The following IL1RAPL1 variants were observed in gnomAD, a reference collection of about 807,000 sequenced individuals.
IL1RAPL1 encodes the protein interleukin-1 receptor accessory protein-like 1.
In IL1RAPL1, 3 loss-of-function variants were observed where a neutral mutation model predicts 48.4. The ratio of observed to expected loss-of-function variants is 0.06; its 90% CI spans 0.03 to 0.16. IL1RAPL1 has a LOEUF of 0.16. IL1RAPL1 is among the 10% of genes least tolerant of loss of function. IL1RAPL1 has a pLI of 1.00. For synonymous variants in IL1RAPL1, 185 were observed against 187.7 expected (o/e 0.99, Z 0.12); for missense variants, 349 against 530.6 (o/e 0.66, Z 3.36).
chrX:29,774,501 G>A (rs947409899), intron 6 of IL1RAPL1, among the ~76,000 whole-genome samples: 4 of 111,805 alleles, frequency 3.6e-5, no homozygotes, highest in Non-Finnish European at 7.5e-5. Flanking sequence ...AAATATACAC[G>A]AATATCATGT....
intron 6 of IL1RAPL1, among the ~76,000 whole-genome samples, chrX:29,914,858 T>C (rs897364681): frequency 8.9e-6 from 1 of 112,785 alleles, no homozygotes; most frequent in African/African-American, 3.2e-5. Flanking sequence ...GTAAATATTC[T>C]CTAAAGGAGA....
At chrX:29,195,464 C>A (rs1373937292) in intron 2 of IL1RAPL1, among the ~76,000 whole-genome samples, 1 of 111,109 alleles carries the variant, frequency 9.0e-6, no homozygotes. Flanking sequence ...GGCAATGGAA[C>A]TGAGGCTGTA....
chrX:28,930,973 G>A (rs1923866808), intron 2 of IL1RAPL1, among the ~76,000 whole-genome samples: 2 of 110,852 alleles, frequency 1.8e-5, no homozygotes, highest in South Asian at 7.7e-4. Flanking sequence ...ACCATCTAAG[G>A]GAGGTGTTTG....
chrX:29,590,461 G>C (rs1361618767), intron 5 of IL1RAPL1, among the ~76,000 whole-genome samples: 1 of 111,745 alleles, frequency 8.9e-6, no homozygotes, highest in Non-Finnish European at 1.9e-5. Flanking sequence ...CTTCCTCCCT[G>C]CCTCTCCCGA....
chrX:29,406,252 G>A (rs1569304423), intron 5 of IL1RAPL1, among the ~76,000 whole-genome samples: 1 of 110,418 alleles, frequency 9.1e-6, no homozygotes. Flanking sequence ...AGCCGGGCGT[G>A]GTGGTGGGCG....
At chrX:29,934,376 G>A (rs1932995118) in intron 8 of IL1RAPL1, among the ~76,000 whole-genome samples, 1 of 111,947 alleles carries the variant, frequency 8.9e-6, no homozygotes, top group South Asian at 3.7e-4. Context: ...ACATGATCTG[G>A]GAAGATGAAA....
At chrX:29,447,345 T>C in intron 5 of IL1RAPL1, among the ~76,000 whole-genome samples, 1 of 111,061 alleles carries the variant, frequency 9.0e-6, no homozygotes, top group South Asian at 3.8e-4. Context: ...AAAAAGATGT[T>C]TCATTCATTG....
intron 5 of IL1RAPL1, among the ~76,000 whole-genome samples, chrX:29,465,484 C>T (rs62586478): frequency 5.4e-5 from 6 of 111,654 alleles, no homozygotes; most frequent in South Asian, 7.6e-4. Flanking sequence ...CACTTCAGTG[C>T]GTGTCATGAG....
At chrX:28,779,225 T>G (rs1396319361) in intron 1 of IL1RAPL1, among the ~76,000 whole-genome samples, 3 of 111,024 alleles carry the variant, frequency 2.7e-5, no homozygotes, top group Non-Finnish European at 5.7e-5. Flanking sequence ...AAGGGATGAT[T>G]CCATTGTTTT....
At chrX:29,893,130 G>T (rs980547683) in intron 6 of IL1RAPL1, among the ~76,000 whole-genome samples, 1 of 111,606 alleles carries the variant, frequency 9.0e-6, no homozygotes, top group Admixed American at 9.6e-5. Context: ...CTGTTGCTCT[G>T]TGCTAACTTA....
At chrX:29,820,103 T>C (rs1297477672) in intron 6 of IL1RAPL1, among the ~76,000 whole-genome samples, 8 of 107,292 alleles carry the variant, frequency 7.5e-5, no homozygotes, top group Non-Finnish European at 1.5e-4. Context: ...TCAACACTTA[T>C]ATAAATTTAT....
rs34032700 is a variant in IL1RAPL1 at position 29,837,258 on chromosome X, C to CAA, written c.779-80192_779-80191dup. Among the ~76,000 whole-genome samples the CAA allele has an allele frequency of 1.1e-3, 32 of 30,027 alleles. 1 individual carries two copies. The highest frequency in any genetic ancestry group is 5.2e-3 in the East Asian group (4 of 766). The allele number at this position is 30,027 out of a possible 115,157, so 26.1% of individuals were successfully genotyped here. Reference sequence around the variant, plus strand: ...AGCCTCAGCGATAGAGACTGCATCTCAAAAAAAAAAAAAAATATATATATA... The same window carrying CAA: ...AGCCTCAGCGATAGAGACTGCATCTCAAAAAAAAAAAAAAAAATATATATATA... On this transcript the variant is annotated intron_variant, in intron 6 of 10. Transcript: ENST00000378993.
chrX:28,989,912 T>TA (rs1371462420), intron 2 of IL1RAPL1, among the ~76,000 whole-genome samples: 3 of 111,920 alleles, frequency 2.7e-5, no homozygotes, highest in Admixed American at 9.5e-5. Flanking sequence ...TCTAGGTAGT[T>TA]ATGTTAAATA....
intron 5 of IL1RAPL1, among the ~76,000 whole-genome samples, chrX:29,466,333 C>T (rs748242238): frequency 1.8e-5 from 2 of 111,771 alleles, no homozygotes; most frequent in East Asian, 2.8e-4. Context: ...TACTTTTAGG[C>T]GGTCTCATCT....
At chrX:29,741,731 G>A (rs1477330182) in intron 6 of IL1RAPL1, among the ~76,000 whole-genome samples, 1 of 108,106 alleles carries the variant, frequency 9.3e-6, no homozygotes, top group Non-Finnish European at 1.9e-5. Flanking sequence ...GACCATCCTG[G>A]CCAACGTGGC....
chrX:29,252,167 A>G (rs1373098175), intron 2 of IL1RAPL1, among the ~76,000 whole-genome samples: 1 of 112,866 alleles, frequency 8.9e-6, no homozygotes, highest in Non-Finnish European at 1.9e-5. Context: ...CTAATGCTAG[A>G]TGACGAGTTA....
At chrX:29,665,454 A>G (rs937410807) in intron 5 of IL1RAPL1, among the ~76,000 whole-genome samples, 1 of 112,657 alleles carries the variant, frequency 8.9e-6, no homozygotes, top group Non-Finnish European at 1.9e-5. Context: ...GGCCATTACC[A>G]TAGCTGCATT....
At chrX:28,924,382 A>G (rs748656833) in intron 2 of IL1RAPL1, among the ~76,000 whole-genome samples, 7 of 112,369 alleles carry the variant, frequency 6.2e-5, no homozygotes, top group African/African-American at 2.3e-4. Flanking sequence ...ATCCATAAAG[A>G]AAACAATTCA....
intron 1 of IL1RAPL1, among the ~76,000 whole-genome samples, chrX:28,596,005 G>T (rs904438992): frequency 9.9e-5 from 11 of 111,361 alleles, no homozygotes; most frequent in African/African-American, 3.6e-4. Flanking sequence ...GCTTATGTCA[G>T]TGGGTGTGCT....
Sources: gnomAD v4.1 joint callset for allele counts (sites outside exome capture counted in the v4.1 genomes callset) on GRCh38, gnomAD v4.1.1 for gene constraint, MANE v1.5 for transcripts, NCBI Gene and HGNC (gene_info 2026-07-23, HGNC 2026-07-21) for gene names.